Variants in CCDC25 observed in about 807,000 individuals in gnomAD.
CCDC25 encodes the protein coiled-coil domain containing 25.
CCDC25 carries 16 observed loss-of-function variants against 35.3 expected under a neutral mutation model. The ratio of observed to expected loss-of-function variants is 0.45; its 90% CI spans 0.31 to 0.69. CCDC25 has a LOEUF of 0.69. Ranked by LOEUF, CCDC25 falls within the 30% of genes least tolerant of loss-of-function variation. The pLI, the probability that CCDC25 is intolerant of heterozygous loss-of-function variation, is 0.06. For synonymous variants in CCDC25, 79 were observed against 80.3 expected, an observed-to-expected ratio of 0.98 and a Z score of 0.09; for missense variants, 179 against 250.7, an observed-to-expected ratio of 0.71 and a Z score of 1.93.
At chr8:27,766,555 T>C (rs1197233024) in intron 1 of CCDC25, among the ~76,000 whole-genome samples, 2 of 152,174 alleles carry the variant, frequency 1.3e-5, no homozygotes, top group Admixed American at 1.3e-4. Flanking sequence ...TGTAGTACCT[T>C]GATCAGGCCT....
rs149660769 is a variant in CCDC25, at chr8:27,737,184, G to A, written c.598-939C>T. Among the ~76,000 whole-genome samples the A allele has an allele frequency of 1.2e-3, 189 of 152,246 alleles. No individual in the cohort carries two copies. The highest frequency in any genetic ancestry group is 4.4e-3 in the African/African-American group (181 of 41,562). On this transcript the variant is annotated intron_variant, in intron 8 of 8. Coordinates refer to ENST00000356537, the MANE Select transcript of CCDC25 (RefSeq NM_018246.3). The surrounding 1 kb of genome is among the most constrained non-coding windows in gnomAD (Gnocchi z 4.6). ...TCTTCCATTAGCACGATGAACTGAAGCCAAGGTAAAAATGCCTTCGATAAT... is the reference window on the plus strand; with the variant it reads ...TCTTCCATTAGCACGATGAACTGAAACCAAGGTAAAAATGCCTTCGATAAT...
chr8:27,742,242 G>T (rs545336860), intron 7 of CCDC25, among the ~76,000 whole-genome samples: 1 of 152,344 alleles, frequency 6.6e-6, no homozygotes, highest in African/African-American at 2.4e-5. Flanking sequence ...AAGATAATGA[G>T]TTGGGAGACA....
chr8:27,745,131 G>A (rs1268080055), intron 7 of CCDC25, among the ~76,000 whole-genome samples: 22 of 152,114 alleles, frequency 1.4e-4, no homozygotes, highest in Non-Finnish European at 2.6e-4. Flanking sequence ...GAGTAGCTGC[G>A]ACTATAGGCT....
chr8:27,740,530 AAAC>A lies in CCDC25; in HGVS notation c.552-16_552-14del, dbSNP rs1216104967. On this transcript the variant is annotated splice_polypyrimidine_tract_variant and intron_variant, in intron 7 of 8. Coordinates refer to ENST00000356537, the MANE Select transcript of CCDC25 (RefSeq NM_018246.3). ...TGATGAATAGCTCCTAGAAGGAAAA[AAAC>A]ACACACACACATTTAAAATATGGTG... is the stretch of plus-strand genomic sequence containing the variant. 166 of 1,593,946 alleles carry A rather than the reference AAAC, an allele frequency of 1.0e-4. No homozygotes were observed. The highest frequency in any genetic ancestry group is 1.1e-4 in the Non-Finnish European group (132 of 1,164,634).
chr8:27,748,484 A>G lies in CCDC25; in HGVS notation c.348+11T>C, dbSNP rs376182770. ...AGGGCTCCGCCTCCTTCAGTGGCAC[A>G]AAACACTTACATCCTTCTGCCTGTG... On this transcript the variant is annotated intron_variant, in intron 6 of 8. Coordinates refer to ENST00000356537, the MANE Select transcript of CCDC25 (RefSeq NM_018246.3). 3.8e-4 allele frequency: 605 copies of G among 1,606,924 alleles called. No homozygotes were observed. Among genetic ancestry groups the G allele is most frequent in the Non-Finnish European group, 5.0e-4 (587 of 1,175,184 alleles).
At chr8:27,746,109 G>A (rs1803593603) in intron 7 of CCDC25, among the ~76,000 whole-genome samples, 1 of 152,154 alleles carries the variant, frequency 6.6e-6, no homozygotes, top group Non-Finnish European at 1.5e-5. Flanking sequence ...TTAGTAGCAT[G>A]CAGCTTAATT....
chr8:27,758,896 C>A (rs986049802), intron 3 of CCDC25, among the ~76,000 whole-genome samples: 5 of 152,058 alleles, frequency 3.3e-5, no homozygotes, highest in African/African-American at 1.2e-4. Flanking sequence ...AATACAGCAA[C>A]TTTATCAATA....
At chr8:27,755,239 T>C (rs1585360433) in intron 4 of CCDC25, among the ~76,000 whole-genome samples, 1 of 152,276 alleles carries the variant, frequency 6.6e-6, no homozygotes, top group East Asian at 1.9e-4. Context: ...TGGAGCTCTC[T>C]GTAGTGCCGG....
chr8:27,765,287 T>G (rs780451651), intron 1 of CCDC25, 36 bp from the exon 2 acceptor site: 19 of 1,391,850 alleles, frequency 1.4e-5, no homozygotes, highest in Non-Finnish European at 1.8e-5. Context: ...AATTAGTAAC[T>G]TCATCACCAA....
intron 7 of CCDC25, among the ~76,000 whole-genome samples, chr8:27,744,513 CTG>C (rs374104731): frequency 1.8e-4 from 27 of 152,328 alleles, no homozygotes; most frequent in Middle Eastern, 3.4e-3. Context: ...CTTCATGAGA[CTG>C]TCATCCATTT....
intron 5 of CCDC25, among the ~76,000 whole-genome samples, chr8:27,750,313 C>T (rs1803753789): frequency 6.6e-6 from 1 of 152,218 alleles, no homozygotes; most frequent in Non-Finnish European, 1.5e-5. Flanking sequence ...CTCTACTGCA[C>T]TTTAGACCTC....
In CCDC25 at chr8:27,737,884, T is replaced by TCACACACACACACACACA. The variant is rs141212043; in HGVS notation, c.598-1657_598-1640dup. ...AACTGTGGTGTGTGTATACACACAC[T>TCACACACACACACACACA]CACACACACACACACACACACACAC... On this transcript the variant is annotated intron_variant, in intron 8 of 8. Transcript: ENST00000356537. The surrounding 1 kb of genome is among the most constrained non-coding windows in gnomAD (Gnocchi z 4.6). Among the ~76,000 whole-genome samples the TCACACACACACACACACA allele has an allele frequency of 2.0e-5, 3 of 148,562 alleles. No homozygotes were observed. Among genetic ancestry groups the TCACACACACACACACACA allele is most frequent in the Non-Finnish European group, 3.0e-5 (2 of 66,810 alleles).
Position 27,748,178 on chromosome 8 carries a change from G to A in CCDC25, c.450C>T (p.Cys150=), listed in dbSNP as rs779289360. 8.7e-6 allele frequency: 14 copies of A among 1,613,312 alleles called. No homozygotes were observed. The highest frequency in any genetic ancestry group is 1.1e-5 in the Non-Finnish European group (13 of 1,179,728). The change falls in exon 7 of 9, where the codon TGC becomes TGT. Residue 150 remains cysteine (C), a synonymous_variant. Transcript: ENST00000356537. ...RFPDLAAEKE[C]RDREERNEKK... is the part of the protein sequence containing the mutation. ...TCTCATTCCTCTCTTCACGATCTCT[G>A]CATTCTTTCTCTGCTGCTAGGTCTG...
intron 1 of CCDC25, among the ~76,000 whole-genome samples, chr8:27,765,637 AAG>A (rs1554551941): frequency 1.1e-3 from 145 of 126,544 alleles, no homozygotes; most frequent in African/African-American, 3.9e-3. Flanking sequence ...TTAAAAAAAA[AAG>A]AAAAGAAAAG....
At position 27,737,136 on chromosome 8, in the gene CCDC25, C is replaced by T. The variant is rs1259030424; in HGVS notation, c.598-891G>A. On this transcript the variant is annotated intron_variant, in intron 8 of 8. Transcript: ENST00000356537. The surrounding 1 kb of genome is among the most constrained non-coding windows in gnomAD (Gnocchi z 4.6). ...AAGTCTGGTTTTAGCTCCAACTTCA[C>T]TTAGTGGTTTTCTCTGTGGTTCTCT... is the stretch of plus-strand genomic sequence containing the variant. Among the ~76,000 whole-genome samples the T allele has an allele frequency of 6.6e-6, 1 of 152,130 alleles. No individual in the cohort carries two copies. Among genetic ancestry groups the T allele is most frequent in the Non-Finnish European group, 1.5e-5 (1 of 68,026 alleles).
chr8:27,765,603 C>G (rs1417629381), intron 1 of CCDC25, among the ~76,000 whole-genome samples: 1 of 149,736 alleles, frequency 6.7e-6, no homozygotes, highest in Non-Finnish European at 1.5e-5. Context: ...CAGTCCAGTC[C>G]TATACTTTTG....
rs377290483 is a variant in CCDC25, at chr8:27,736,258, C to T, written c.598-13G>A. ...AATCATTGCCATCCTGTAGGAAACACAAAAATGAGAACATAAAAGCCTTGA... is the reference window on the plus strand; with the variant it reads ...AATCATTGCCATCCTGTAGGAAACATAAAAATGAGAACATAAAAGCCTTGA... On this transcript the variant is annotated splice_polypyrimidine_tract_variant and intron_variant, in intron 8 of 8. Coordinates refer to ENST00000356537, the MANE Select transcript of CCDC25 (RefSeq NM_018246.3). 209 of 1,592,510 alleles carry T rather than the reference C, an allele frequency of 1.3e-4. No homozygotes were observed. The African/African-American group carries it at 2.6e-3, about 20-fold the overall frequency.
In CCDC25 at chr8:27,733,739, CA is replaced by C. The variant is rs1803115407; in HGVS notation, c.*2476del. On this transcript the variant is annotated 3_prime_UTR_variant, in exon 9 of 9. Coordinates refer to ENST00000356537, the MANE Select transcript of CCDC25 (RefSeq NM_018246.3). ...GCTGTACCTCAAATCAAAGAAAAAG[CA>C]CGCGTCAATATCACGCGTAGGAAAA... The C allele has an allele frequency of 6.6e-6, 1 of 152,108 alleles. No individual in the cohort carries two copies. The highest frequency in any genetic ancestry group is 1.5e-5 in the Non-Finnish European group (1 of 68,022). The allele number at this position is 152,108 out of a possible 1,614,324, so 9.4% of individuals were successfully genotyped here. A position where few individuals can be genotyped will look rare whatever the true frequency, so the allele number is the denominator to read the frequency against.
At position 27,737,878 on chromosome 8, in the gene CCDC25, ACACACT is replaced by A. The variant is rs1484369147; in HGVS notation, c.598-1639_598-1634del. Among the ~76,000 whole-genome samples, 59 of 128,364 alleles carry A rather than the reference ACACACT, an allele frequency of 4.6e-4. No individual in the cohort carries two copies. Among genetic ancestry groups the A allele is most frequent in the African/African-American group, 6.4e-4 (23 of 35,820 alleles). The allele number at this position is 128,364 out of a possible 152,430, so 84.2% of individuals were successfully genotyped here. A position where few individuals can be genotyped will look rare whatever the true frequency, so the allele number is the denominator to read the frequency against. ...TAAAGAAACTGTGGTGTGTGTATAC[ACACACT>A]CACACACACACACACACACACACAC... is the stretch of plus-strand genomic sequence containing the variant. On this transcript the variant is annotated intron_variant, in intron 8 of 8. Transcript: ENST00000356537. The surrounding 1 kb of genome is among the most constrained non-coding windows in gnomAD (Gnocchi z 4.6).
Sources: allele counts gnomAD v4.1 joint callset (sites outside exome capture counted in the v4.1 genomes callset), GRCh38; gene constraint gnomAD v4.1.1; non-coding constraint Gnocchi (gnomAD v3.1); transcripts MANE v1.5; gene names NCBI Gene and HGNC (gene_info 2026-07-23, HGNC 2026-07-21).